The following MAD1L1 variants were observed in gnomAD, a reference collection of about 807,000 sequenced individuals.
MAD1L1 encodes the protein mitotic arrest deficient 1 like 1, also known as mitotic spindle assembly checkpoint protein MAD1.
Under a neutral mutation model 96.9 loss-of-function variants are expected in MAD1L1, and 95 were observed. The ratio of observed to expected loss-of-function variants is 0.98; its 90% CI spans 0.83 to 1.16. MAD1L1 has a LOEUF of 1.16. MAD1L1 is among the 50% of genes most tolerant of loss of function. The pLI is 0.00. For synonymous variants in MAD1L1, 473 were observed against 396.6 expected, an observed-to-expected ratio of 1.19 and a Z score of -2.29; for missense variants, 1,007 against 954.4, an observed-to-expected ratio of 1.06 and a Z score of -0.73.
At chr7:2,227,235 G>T (rs1470996441) in intron 3 of MAD1L1, among the ~76,000 whole-genome samples, 1 of 152,174 alleles carries the variant, frequency 6.6e-6, no homozygotes, top group African/African-American at 2.4e-5. Flanking sequence ...GACGGAGGCT[G>T]CAGTGAGCCA....
rs561534304 is a variant in MAD1L1 at position 2,152,494 on chromosome 7, T to A, written c.987-3256A>T. On this transcript the variant is annotated intron_variant, in intron 10 of 18. Transcript: ENST00000265854. ...TGGCCATTCTTGCTCATGACCAGGG[T>A]TCAGCTTCCACTCAAAAGCACAAGC... 2.6e-3 allele frequency among the ~76,000 whole-genome samples: 401 copies of A among 152,274 alleles called. 1 individual carries two copies. Among genetic ancestry groups the A allele is most frequent in the African/African-American group, 9.1e-3 (376 of 41,530 alleles).
At chr7:1,924,535 C>A (rs963088822) in intron 17 of MAD1L1, among the ~76,000 whole-genome samples, 2 of 152,178 alleles carry the variant, frequency 1.3e-5, no homozygotes, top group Non-Finnish European at 2.9e-5. Flanking sequence ...CCACATCCAG[C>A]AATGGTATCC....
At position 2,054,741 on chromosome 7, in the gene MAD1L1, G is replaced by A. The variant is rs147735819; in HGVS notation, c.1218+14453C>T. Among the ~76,000 whole-genome samples, 1,148 of 152,326 alleles carry A rather than the reference G, an allele frequency of 7.5e-3. 11 individuals are homozygous for A. The highest frequency in any genetic ancestry group is 0.014 in the Middle Eastern group (4 of 292). On this transcript the variant is annotated intron_variant, in intron 12 of 18. Coordinates refer to ENST00000265854, the MANE Select transcript of MAD1L1 (RefSeq NM_001013836.2). ...GACCCTGGAAGCCGGGCTGGCCAGC[G>A]TCTCAGGGCCCCTCCTGCAGGCTTT...
intron 18 of MAD1L1, among the ~76,000 whole-genome samples, chr7:1,822,653 G>A (rs1266613225): frequency 6.6e-6 from 1 of 151,592 alleles, no homozygotes; most frequent in Non-Finnish European, 1.5e-5. Flanking sequence ...CCAACTCCTG[G>A]GCTCAAGCGA....
At chr7:2,216,616 C>T (rs188843565) in intron 7 of MAD1L1, among the ~76,000 whole-genome samples, 14 of 152,262 alleles carry the variant, frequency 9.2e-5, no homozygotes, top group African/African-American at 2.2e-4. Flanking sequence ...GTGGACTCTG[C>T]GTGACACTGA....
chr7:1,979,987 G>A (rs1253863878), intron 15 of MAD1L1, among the ~76,000 whole-genome samples: 5 of 152,216 alleles, frequency 3.3e-5, no homozygotes, highest in African/African-American at 1.2e-4. Flanking sequence ...TGTCCCTGCA[G>A]AGAGGAACCT....
chr7:2,173,369 G>A (rs1790800609), intron 10 of MAD1L1, among the ~76,000 whole-genome samples: 1 of 152,118 alleles, frequency 6.6e-6, no homozygotes, highest in South Asian at 2.1e-4. Context: ...TGAGCCCCGC[G>A]TCTAGCTGAG....
intron 15 of MAD1L1, among the ~76,000 whole-genome samples, chr7:1,966,776 G>C (rs1377468202): frequency 6.6e-6 from 1 of 152,234 alleles, no homozygotes; most frequent in Non-Finnish European, 1.5e-5. Flanking sequence ...CAGGAACCGC[G>C]GTGAGGAGGA....
At position 1,888,456 on chromosome 7, in the gene MAD1L1, G is replaced by A. The variant is rs557885448; in HGVS notation, c.1998+9744C>T. Among the ~76,000 whole-genome samples the A allele has an allele frequency of 5.6e-4, 84 of 150,418 alleles. No homozygotes were observed. The East Asian group carries it at 6.7e-3, about 12-fold the overall frequency. Reference sequence around the variant, plus strand: ...TGGCTGCCTGTACATGTGTGTGCACGCATGTATGTGGCTGCCTGTTCATGT... The same window carrying A: ...TGGCTGCCTGTACATGTGTGTGCACACATGTATGTGGCTGCCTGTTCATGT... On this transcript the variant is annotated intron_variant, in intron 18 of 18. Coordinates refer to ENST00000265854, the MANE Select transcript of MAD1L1 (RefSeq NM_001013836.2).
At chr7:1,910,660 C>T (rs1276837384) in intron 17 of MAD1L1, among the ~76,000 whole-genome samples, 1 of 152,346 alleles carries the variant, frequency 6.6e-6, no homozygotes. Flanking sequence ...TCTGAGATCG[C>T]GTGTTTGCCC....
intron 15 of MAD1L1, among the ~76,000 whole-genome samples, chr7:1,973,849 C>A (rs1323615734): frequency 6.6e-6 from 1 of 152,218 alleles, no homozygotes; most frequent in Non-Finnish European, 1.5e-5. Context: ...GCTGGGCCTG[C>A]CTCTGCTGAA....
intron 17 of MAD1L1, among the ~76,000 whole-genome samples, chr7:1,921,057 T>G (rs1022661433): frequency 4.6e-5 from 7 of 152,050 alleles, no homozygotes; most frequent in Non-Finnish European, 7.4e-5. Context: ...GAGCCAGCAG[T>G]GGGGACTCAG....
intron 11 of MAD1L1, among the ~76,000 whole-genome samples, chr7:2,107,982 C>T (rs1156472652): frequency 2.0e-5 from 3 of 152,152 alleles, no homozygotes; most frequent in East Asian, 3.9e-4. Flanking sequence ...CGGCACCCCC[C>T]CACCCCCCAC....
chr7:1,901,815 C>T (rs1284748678), intron 17 of MAD1L1, among the ~76,000 whole-genome samples: 5 of 152,198 alleles, frequency 3.3e-5, no homozygotes, highest in Non-Finnish European at 7.4e-5. Flanking sequence ...TGAACTCTGG[C>T]CACACTGACC....
chr7:1,816,311 C>T, intron 18 of MAD1L1, 83 bp from the exon 19 acceptor site: 1 of 1,399,324 alleles, frequency 7.1e-7, no homozygotes, highest in Non-Finnish European at 9.9e-7. Context: ...CACAGCCCCT[C>T]CAGCCATGGG....
chr7:2,120,243 C>A (rs1017009138), intron 11 of MAD1L1, among the ~76,000 whole-genome samples: 5 of 152,336 alleles, frequency 3.3e-5, no homozygotes, highest in African/African-American at 1.2e-4. Context: ...CTGGCTGCGG[C>A]GTGTGCTTAC....
At chr7:1,865,802 C>T (rs917295457) in intron 18 of MAD1L1, among the ~76,000 whole-genome samples, 12 of 151,440 alleles carry the variant, frequency 7.9e-5, no homozygotes, top group Non-Finnish European at 1.2e-4. Context: ...AGCGACTGCT[C>T]TCTCTCTCGA....
At chr7:2,116,470 T>C (rs1270603182) in intron 11 of MAD1L1, among the ~76,000 whole-genome samples, 1 of 146,302 alleles carries the variant, frequency 6.8e-6, no homozygotes, top group Non-Finnish European at 1.5e-5. Flanking sequence ...GCGCAGACGA[T>C]GAATGCCAGG....
At chr7:2,168,696 C>A (rs543288655) in intron 10 of MAD1L1, among the ~76,000 whole-genome samples, 1 of 152,382 alleles carries the variant, frequency 6.6e-6, no homozygotes. Flanking sequence ...CGAGAAGGCA[C>A]AGGACGATAC....
Sources: gnomAD v4.1 joint callset for allele counts (sites outside exome capture counted in the v4.1 genomes callset) on GRCh38, gnomAD v4.1.1 for gene constraint, MANE v1.5 for transcripts, NCBI Gene and HGNC (gene_info 2026-07-23, HGNC 2026-07-21) for gene names.